AFF3: variants seen among roughly 807,000 people sequenced by gnomAD.
The protein encoded by AFF3 is ALF transcription elongation factor 3.
A neutral mutation model predicts 129.7 loss-of-function variants in AFF3; 32 were observed. The ratio of observed to expected loss-of-function variants is 0.25; its 90% confidence interval spans 0.19 to 0.33. AFF3 has a LOEUF of 0.33. AFF3 is among the 10% of genes least tolerant of loss of function. AFF3 has a pLI of 1.00. For synonymous variants in AFF3, 644 were observed against 635.4 expected (o/e 1.01, Z -0.20); for missense variants, 1,373 against 1,592.0 (o/e 0.86, Z 2.34).
chr2:99,742,470 T>C (rs1404177), intron 10 of AFF3, among the ~76,000 whole-genome samples: 111,901 of 152,150 alleles, frequency 0.74, 41,971 homozygotes, highest in East Asian at 0.92. Flanking sequence ...CATCATGTCT[T>C]GTAGAAGAAG....
intron 7 of AFF3, among the ~76,000 whole-genome samples, chr2:99,919,889 A>G (rs1028030285): frequency 6.6e-5 from 10 of 152,242 alleles, no homozygotes; most frequent in Non-Finnish European, 1.5e-4. Flanking sequence ...AACAGTGAAT[A>G]TGACTACAGA....
In AFF3 at chr2:99,752,206, G is replaced by T. The variant is rs1420959275; in HGVS notation, c.1002+15C>A. The T allele has an allele frequency of 6.3e-7, 1 of 1,597,634 alleles. No homozygotes were observed. ...TGAGTGAAACATATTCCTCCTGAGG[G>T]ATGCAAGATCTCACCTTATTTGGAA... On this transcript the variant is annotated intron_variant, in intron 9 of 24. Coordinates refer to ENST00000672756, the MANE Select transcript of AFF3 (RefSeq NM_001386135.1).
chr2:99,854,113 C>T (rs1466459461), intron 7 of AFF3, among the ~76,000 whole-genome samples: 1 of 152,020 alleles, frequency 6.6e-6, no homozygotes, highest in African/African-American at 2.4e-5. Context: ...TTTAAAATTA[C>T]AAATAATATT....
chr2:100,111,514 T>C (rs968437809), intron 2 of AFF3, among the ~76,000 whole-genome samples: 11 of 152,224 alleles, frequency 7.2e-5, no homozygotes, highest in Admixed American at 4.6e-4. Flanking sequence ...TTTCATGTTA[T>C]TTGTTAACCT....
chr2:99,606,876 T>C (rs1338879595), intron 13 of AFF3, among the ~76,000 whole-genome samples: 2 of 125,944 alleles, frequency 1.6e-5, no homozygotes, highest in Non-Finnish European at 3.1e-5. Context: ...ATTGCGCCAC[T>C]GCACTCCAGC....
At chr2:99,599,859 A>AT (rs1179262832) in intron 14 of AFF3, among the ~76,000 whole-genome samples, 3 of 152,058 alleles carry the variant, frequency 2.0e-5, no homozygotes, top group Non-Finnish European at 4.4e-5. Context: ...TAACTCCTGT[A>AT]TTTTTTTCAT....
At chr2:99,875,439 C>G (rs1324112874) in intron 7 of AFF3, among the ~76,000 whole-genome samples, 1 of 152,180 alleles carries the variant, frequency 6.6e-6, no homozygotes, top group African/African-American at 2.4e-5. Context: ...TTACCACTGC[C>G]CAAAATTGCT....
At chr2:99,896,073 A>C (rs1300471464) in intron 7 of AFF3, among the ~76,000 whole-genome samples, 5 of 146,726 alleles carry the variant, frequency 3.4e-5, no homozygotes, top group Non-Finnish European at 5.9e-5. Context: ...CTTCTCAAAA[A>C]AAAAAAAAAA....
chr2:99,841,029 T>C (rs1689282935), intron 7 of AFF3, among the ~76,000 whole-genome samples: 1 of 152,222 alleles, frequency 6.6e-6, no homozygotes, highest in Non-Finnish European at 1.5e-5. Context: ...CACAAAACAA[T>C]TAATCAAGAA....
chr2:99,713,785 A>G (rs1033234527), intron 11 of AFF3, among the ~76,000 whole-genome samples: 6 of 147,062 alleles, frequency 4.1e-5, no homozygotes, highest in African/African-American at 1.5e-4. Flanking sequence ...TGCAGCCTCT[A>G]CCTCCCAGGT....
At chr2:100,024,621 A>T (rs531397601) in intron 4 of AFF3, among the ~76,000 whole-genome samples, 146 of 151,568 alleles carry the variant, frequency 9.6e-4, no homozygotes, top group African/African-American at 1.9e-3. Flanking sequence ...AAATAATAAT[A>T]ATTATTATTA....
At chr2:99,592,943 C>CTAAA (rs766393879) in intron 15 of AFF3, among the ~76,000 whole-genome samples, 1 of 123,018 alleles carries the variant, frequency 8.1e-6, no homozygotes, top group African/African-American at 3.1e-5. Context: ...CCCCCCCCCC[C>CTAAA]AAAAAAAGGG....
At chr2:99,847,996 C>A (rs1384473175) in intron 7 of AFF3, among the ~76,000 whole-genome samples, 1 of 152,094 alleles carries the variant, frequency 6.6e-6, no homozygotes, top group African/African-American at 2.4e-5. Context: ...AAATAGACAT[C>A]AGAGGCTGGG....
At chr2:99,559,080 T>C in intron 21 of AFF3, 112 bp from the exon 22 acceptor site, 1 of 884,272 alleles carries the variant, frequency 1.1e-6, no homozygotes, top group Non-Finnish European at 1.8e-6. Context: ...ACCTTGTTTC[T>C]ACATAGGAAA....
intron 11 of AFF3, among the ~76,000 whole-genome samples, chr2:99,674,409 C>T (rs572792262): frequency 2.2e-4 from 33 of 152,326 alleles, no homozygotes; most frequent in Admixed American, 5.2e-4. Context: ...GAACACAACG[C>T]CAGTTTGCTG....
At chr2:100,108,527 C>A (rs550736110) in intron 2 of AFF3, among the ~76,000 whole-genome samples, 5 of 152,120 alleles carry the variant, frequency 3.3e-5, no homozygotes, top group Admixed American at 1.3e-4. Flanking sequence ...GCCCCTCCCC[C>A]CAGCCTGTCC....
chr2:99,759,839 C>T (rs1050286936), intron 8 of AFF3, among the ~76,000 whole-genome samples: 9 of 152,118 alleles, frequency 5.9e-5, no homozygotes, highest in East Asian at 5.8e-4. Context: ...AAATCAAGGG[C>T]GAATGGACTA....
chr2:100,037,469 T>C (rs1393663947), intron 4 of AFF3, among the ~76,000 whole-genome samples: 1 of 111,364 alleles, frequency 9.0e-6, no homozygotes, highest in Non-Finnish European at 1.7e-5. Flanking sequence ...TATAAATATA[T>C]ATTTATATTT....
At chr2:99,782,075 C>G (rs534418036) in intron 8 of AFF3, among the ~76,000 whole-genome samples, 16 of 152,266 alleles carry the variant, frequency 1.1e-4, no homozygotes, top group Non-Finnish European at 1.8e-4. Context: ...GCTTCAGAAA[C>G]CTGAAAGGGT....
Sources: gnomAD v4.1 joint callset for allele counts (sites outside exome capture counted in the v4.1 genomes callset) on GRCh38, gnomAD v4.1.1 for gene constraint, MANE v1.5 for transcripts, NCBI Gene and HGNC (gene_info 2026-07-23, HGNC 2026-07-21) for gene names.